XPNPEP1: variants seen among roughly 807,000 people sequenced by gnomAD.
XPNPEP1 encodes X-prolyl aminopeptidase 1.
In XPNPEP1, 39 loss-of-function variants were observed where a neutral mutation model predicts 92.4. The observed-to-expected ratio is 0.42, with a 90% CI of 0.33 to 0.55. The LOEUF (loss-of-function observed/expected upper bound fraction) is 0.55. Ranked by LOEUF, XPNPEP1 falls within the 20% of genes least tolerant of loss-of-function variation. The pLI is 0.08. For synonymous variants in XPNPEP1, 307 were observed against 299.4 expected (o/e 1.03, Z -0.26); for missense variants, 654 against 856.1 (o/e 0.76, Z 2.95).
At position 109,868,475 on chromosome 10, in the gene XPNPEP1, T is replaced by C. The variant is rs1004321649; in HGVS notation, c.1872+139A>G. The C allele has an allele frequency of 1.1e-5, 8 of 737,862 alleles. No homozygotes were observed. The African/African-American group carries it at 1.4e-4, about 13-fold the overall frequency. 45.7% of individuals were successfully genotyped at this position (737,862 alleles called of 1,614,324 possible). A position where few individuals can be genotyped will look rare whatever the true frequency, so the allele number is the denominator to read the frequency against. On this transcript the variant is annotated intron_variant, in intron 20 of 20. Coordinates refer to ENST00000502935, the MANE Select transcript of XPNPEP1 (RefSeq NM_020383.4). Reference sequence around the variant, plus strand: ...AAAACCTAGGGCTTTCAGACTCAACTGGCCTAGACCTCTAAATTTAAAAAT... The same window carrying C: ...AAAACCTAGGGCTTTCAGACTCAACCGGCCTAGACCTCTAAATTTAAAAAT...
At chr10:109,880,141 G>T (rs761162822) in intron 12 of XPNPEP1, 47 bp downstream of exon 12, 1 of 1,575,616 alleles carries the variant, frequency 6.3e-7, no homozygotes, top group Non-Finnish European at 8.7e-7. Context: ...ATATAGGTAG[G>T]TCTGAATAAT....
chr10:109,871,743 T>C (rs763868159), intron 17 of XPNPEP1, 49 bp downstream of exon 17: 1 of 1,587,192 alleles, frequency 6.3e-7, no homozygotes, highest in Non-Finnish European at 8.6e-7. Flanking sequence ...ACATATTTGA[T>C]TCTCAAACAA....
chr10:109,923,210 G>T (rs950395616), intron 1 of XPNPEP1, 192 bp downstream of exon 1: 3 of 985,222 alleles, frequency 3.0e-6, no homozygotes, highest in Non-Finnish European at 3.6e-6. Context: ...GAAACGAACC[G>T]GATCTCGCCC....
At chr10:109,878,734 A>C (rs1469523787) in intron 12 of XPNPEP1, among the ~76,000 whole-genome samples, 1 of 152,058 alleles carries the variant, frequency 6.6e-6, no homozygotes, top group Non-Finnish European at 1.5e-5. Flanking sequence ...CAAAAAAATC[A>C]GAAAAAATCA....
rs187614725 is a variant in XPNPEP1 at position 109,870,069 on chromosome 10, G to A, written c.1697-40C>T. On this transcript the variant is annotated intron_variant, in intron 18 of 20. Coordinates refer to ENST00000502935, the MANE Select transcript of XPNPEP1 (RefSeq NM_020383.4). ...ATCCCAAAAATGAGAAGCAGCCCAC[G>A]ATGAAGATGTCTACAGAGAGAAACT... is the stretch of plus-strand genomic sequence containing the variant. 441 of 1,604,190 alleles carry A rather than the reference G, an allele frequency of 2.7e-4. No individual in the cohort carries two copies. In the African/African-American group the frequency reaches 5.0e-3, roughly 18 times the overall value.
At chr10:109,923,190 C>G in intron 1 of XPNPEP1, 1 of 985,354 alleles carries the variant, frequency 1.0e-6, no homozygotes, top group South Asian at 4.7e-5. Flanking sequence ...CCGTGCCCAC[C>G]GACCCTCCGG....
intron 2 of XPNPEP1, among the ~76,000 whole-genome samples, chr10:109,910,685 T>G (rs1324312986): frequency 6.6e-6 from 1 of 152,236 alleles, no homozygotes. Flanking sequence ...GAGGGACATA[T>G]TGGTTGTTTC....
chr10:109,909,831 G>A (rs963575170), intron 2 of XPNPEP1, among the ~76,000 whole-genome samples: 12 of 152,208 alleles, frequency 7.9e-5, no homozygotes, highest in African/African-American at 2.9e-4. Context: ...CAGCAAAACT[G>A]AGCAGAAAAT....
At chr10:109,886,173 G>C in intron 8 of XPNPEP1, 73 bp downstream of exon 8, 1 of 1,487,544 alleles carries the variant, frequency 6.7e-7, no homozygotes, top group South Asian at 1.2e-5. Context: ...TGAATGGCAT[G>C]AACACACAGA....
chr10:109,865,049 T>G lies in XPNPEP1; in HGVS notation c.*135A>C. Reference sequence around the variant, plus strand: ...AATATCAAAGAGGATAAGAAGATTTTCTGTTCTTCTTAAAGTCTAAAGTAA... The same window carrying G: ...AATATCAAAGAGGATAAGAAGATTTGCTGTTCTTCTTAAAGTCTAAAGTAA... On this transcript the variant is annotated 3_prime_UTR_variant, in exon 21 of 21. Coordinates refer to ENST00000502935, the MANE Select transcript of XPNPEP1 (RefSeq NM_020383.4). 1 of 1,240,614 alleles carries G rather than the reference T, an allele frequency of 8.1e-7. No homozygotes were observed. The highest frequency in any genetic ancestry group is 1.4e-5 in the South Asian group (1 of 69,016). 76.9% of individuals were successfully genotyped at this position (1,240,614 alleles called of 1,614,324 possible).
intron 1 of XPNPEP1, 38 bp downstream of exon 1, chr10:109,923,364 C>G (rs1850668658): frequency 2.8e-6 from 4 of 1,426,236 alleles, no homozygotes; most frequent in Non-Finnish European, 3.7e-6. Context: ...GAGGGCTGCA[C>G]GCTGCCCGGA....
In XPNPEP1 at chr10:109,865,037, A is replaced by G. The variant is rs776944232; in HGVS notation, c.*147T>C. ...TGTTTGCAATAAAATATCAAAGAGG[A>G]TAAGAAGATTTTCTGTTCTTCTTAA... On this transcript the variant is annotated 3_prime_UTR_variant, in exon 21 of 21. Coordinates refer to ENST00000502935, the MANE Select transcript of XPNPEP1 (RefSeq NM_020383.4). The G allele has an allele frequency of 8.9e-7, 1 of 1,123,706 alleles. No individual in the cohort carries two copies. Among genetic ancestry groups the G allele is most frequent in the East Asian group, 2.4e-5 (1 of 41,458 alleles). The allele number at this position is 1,123,706 out of a possible 1,614,324, so 69.6% of individuals were successfully genotyped here.
Position 109,880,141 on chromosome 10 carries a change from G to A in XPNPEP1, c.1182+47C>T, listed in dbSNP as rs761162822. ...TAGAGTTAGAATCACATATAGGTAG[G>A]TCTGAATAATGTATATCCACATATT... On this transcript the variant is annotated intron_variant, in intron 12 of 20. Transcript: ENST00000502935. The A allele has an allele frequency of 1.9e-6, 3 of 1,575,618 alleles. No homozygotes were observed. In the Admixed American group the frequency reaches 5.0e-5, roughly 26 times the overall value.
rs1296797856 is a variant in XPNPEP1 at position 109,867,889 on chromosome 10, GTTCCTACCCCAT to G, written c.1872+713_1872+724del. Among the ~76,000 whole-genome samples the G allele has an allele frequency of 1.3e-5, 2 of 152,194 alleles. No homozygotes were observed. Among genetic ancestry groups the G allele is most frequent in the African/African-American group, 2.4e-5 (1 of 41,454 alleles). On this transcript the variant is annotated intron_variant, in intron 20 of 20. Coordinates refer to ENST00000502935, the MANE Select transcript of XPNPEP1 (RefSeq NM_020383.4). The surrounding 1 kb of genome is among the most constrained non-coding windows in gnomAD (Gnocchi z 4.5). ...CTGTTTTGTCTGTCTAGTGCTAACA[GTTCCTACCCCAT>G]TTCTGACCCTTGTTTCTGCTCTGAC... is the stretch of plus-strand genomic sequence containing the variant.
At chr10:109,870,660 A>T in intron 18 of XPNPEP1, 71 bp downstream of exon 18, 1 of 1,515,366 alleles carries the variant, frequency 6.6e-7, no homozygotes, top group Non-Finnish European at 8.8e-7. Flanking sequence ...TAATTAAAAA[A>T]TACAAAACAA....
At position 109,923,078 on chromosome 10, in the gene XPNPEP1, G is replaced by A. The variant is rs149480301; in HGVS notation, c.32+324C>T. ...AGAGGGGCCAACTTCCTCCAAGAAC[G>A]GGGCCTTCCCGCGGGCCAGGAACTG... On this transcript the variant is annotated intron_variant, in intron 1 of 20. Transcript: ENST00000502935. 444 of 839,182 alleles carry A rather than the reference G, an allele frequency of 5.3e-4. 1 individual carries two copies. The highest frequency in any genetic ancestry group is 6.1e-4 in the Non-Finnish European group (425 of 696,616). 52.0% of individuals were successfully genotyped at this position (839,182 alleles called of 1,614,324 possible). A position where few individuals can be genotyped will look rare whatever the true frequency, so the allele number is the denominator to read the frequency against.
At position 109,881,443 on chromosome 10, in the gene XPNPEP1, T is replaced by C. The variant is rs186954840; in HGVS notation, c.1042-512A>G. 2.4e-3 allele frequency among the ~76,000 whole-genome samples: 360 copies of C among 152,294 alleles called. 7 individuals carry two copies. Among genetic ancestry groups the C allele is most frequent in the Admixed American group, 0.022 (343 of 15,300 alleles). On this transcript the variant is annotated intron_variant, in intron 10 of 20. Transcript: ENST00000502935. ...AAGGGCTGGAGAAGACCCTTTCCAATTTGAGAACAAGTTAGAATCCAGCAG... is the reference window on the plus strand; with the variant it reads ...AAGGGCTGGAGAAGACCCTTTCCAACTTGAGAACAAGTTAGAATCCAGCAG...
chr10:109,881,557 A>G (rs746538936), intron 10 of XPNPEP1, among the ~76,000 whole-genome samples: 8 of 152,136 alleles, frequency 5.3e-5, no homozygotes, highest in Non-Finnish European at 7.3e-5. Flanking sequence ...CCAGAGAGAG[A>G]GGAGAGAGAG....
chr10:109,923,329 G>A (rs1338687016), intron 1 of XPNPEP1, 73 bp downstream of exon 1: 1 of 1,360,936 alleles, frequency 7.3e-7, no homozygotes, highest in South Asian at 1.6e-5. Flanking sequence ...TGCCCGCCGA[G>A]GTGCAACACG....
Sources: allele counts gnomAD v4.1 joint callset (sites outside exome capture counted in the v4.1 genomes callset), GRCh38; gene constraint gnomAD v4.1.1; non-coding constraint Gnocchi (gnomAD v3.1); transcripts MANE v1.5; gene names NCBI Gene and HGNC (gene_info 2026-07-23, HGNC 2026-07-21).